The following PTBP3 variants were observed in gnomAD, a reference collection of about 807,000 sequenced individuals.
PTBP3 encodes polypyrimidine tract-binding protein 3.
Under a neutral mutation model 58.7 loss-of-function variants are expected in PTBP3, and 20 were observed. The observed-to-expected ratio is 0.34, with a 90% CI of 0.24 to 0.50. The LOEUF (loss-of-function observed/expected upper bound fraction) is 0.50. Among genes scored for constraint, PTBP3 ranks in the 20% least tolerant of loss-of-function variants. PTBP3 has a pLI of 0.98. For synonymous variants in PTBP3, 185 were observed against 219.8 expected (o/e 0.84, Z 1.40); for missense variants, 509 against 637.2 (o/e 0.80, Z 2.17).
At chr9:112,379,547 C>T in the PTBP3 span, among the ~76,000 whole-genome samples, 2 of 152,244 alleles carry the variant, frequency 1.3e-5, no homozygotes, top group African/African-American at 4.8e-5. Context: ...TACCGATGCA[C>T]AAGGGAAGGC....
chr9:112,247,559 A>G (rs1198191079), intron 7 of PTBP3, among the ~76,000 whole-genome samples: 1 of 151,752 alleles, frequency 6.6e-6, no homozygotes, highest in Non-Finnish European at 1.5e-5. Flanking sequence ...TGACAAAAAA[A>G]AAAAAAGAAA....
chr9:112,302,524 T>C (rs1828981978), intron 1 of PTBP3, among the ~76,000 whole-genome samples: 1 of 149,502 alleles, frequency 6.7e-6, no homozygotes, highest in Non-Finnish European at 1.5e-5. Context: ...GGTGTTAAAC[T>C]GTTAACACAG....
intron 2 of PTBP3, among the ~76,000 whole-genome samples, chr9:112,293,348 C>G (rs1459193202): frequency 6.6e-6 from 1 of 152,100 alleles, no homozygotes; most frequent in Admixed American, 6.5e-5. Flanking sequence ...AACAGTAATA[C>G]TAACCAATTA....
chr9:112,279,879 T>G (rs1393173250), intron 2 of PTBP3, among the ~76,000 whole-genome samples: 3 of 150,272 alleles, frequency 2.0e-5, no homozygotes, highest in Non-Finnish European at 2.9e-5. Context: ...CCTTTATCCC[T>G]AAGTACTTCA....
At chr9:112,374,617 T>C in the PTBP3 span, among the ~76,000 whole-genome samples, 3 of 152,206 alleles carry the variant, frequency 2.0e-5, no homozygotes, top group African/African-American at 7.2e-5. Flanking sequence ...TTCAAGATGA[T>C]GGGGAACATG....
In PTBP3 at chr9:112,222,157, G is replaced by C. The variant is rs1240845052; in HGVS notation, c.*1694C>G. 4 of 985,726 alleles carry C rather than the reference G, an allele frequency of 4.1e-6. No homozygotes were observed. The highest frequency in any genetic ancestry group is 3.6e-6 in the Non-Finnish European group (3 of 829,806). The allele number at this position is 985,726 out of a possible 1,614,324, so 61.1% of individuals were successfully genotyped here. A position where few individuals can be genotyped will look rare whatever the true frequency, so the allele number is the denominator to read the frequency against. ...ATGAGACACTTTGAGAATCTGAAAA[G>C]TGTAAAAGGGGTAGACAAAAAAATG... On this transcript the variant is annotated 3_prime_UTR_variant, in exon 14 of 14. Coordinates refer to ENST00000374257, the MANE Select transcript of PTBP3 (RefSeq NM_001163788.4).
rs536174519 is a variant in PTBP3 at position 112,245,504 on chromosome 9, A to C, written c.802+5425T>G. Reference sequence around the variant, plus strand: ...ATTTTCAGTTAAAATTTGTTTTTTAAAACACACACACACACACAGAAACAT... The same window carrying C: ...ATTTTCAGTTAAAATTTGTTTTTTACAACACACACACACACACAGAAACAT... On this transcript the variant is annotated intron_variant, in intron 7 of 13. Transcript: ENST00000374257. Among the ~76,000 whole-genome samples, 150 of 152,084 alleles carry C rather than the reference A, an allele frequency of 9.9e-4. 1 individual carries two copies. The highest frequency in any genetic ancestry group is 3.6e-3 in the African/African-American group (148 of 41,546).
In PTBP3 at chr9:112,219,232, A is replaced by G. The variant is rs1460002421; in HGVS notation, c.*4619T>C. The stretch of plus-strand genomic sequence containing the variant: ...AAACTTTGCTTGGTCAGCAATCTTT[A>G]TAACTGGTACTTTCTGGATATGGGA... On this transcript the variant is annotated 3_prime_UTR_variant, in exon 14 of 14. Transcript: ENST00000374257. 1.3e-5 allele frequency: 2 copies of G among 152,618 alleles called. No homozygotes were observed. The highest frequency in any genetic ancestry group is 2.9e-5 in the Non-Finnish European group (2 of 68,028). 9.5% of individuals were successfully genotyped at this position (152,618 alleles called of 1,614,324 possible).
In PTBP3 at chr9:112,221,396, C is replaced by A; in HGVS notation, c.*2455G>T. On this transcript the variant is annotated 3_prime_UTR_variant, in exon 14 of 14. Transcript: ENST00000374257. ...AAGTTACATTCAACACCACTATGAT[C>A]CCCTTCCGTTATTAGCAACTTTGCT... 1.0e-6 allele frequency: 1 copy of A among 985,810 alleles called. No individual in the cohort carries two copies. Among genetic ancestry groups the A allele is most frequent in the Non-Finnish European group, 1.2e-6 (1 of 829,922 alleles). 61.1% of individuals were successfully genotyped at this position (985,810 alleles called of 1,614,324 possible).
chr9:112,292,584 T>C (rs1253058509), intron 2 of PTBP3, among the ~76,000 whole-genome samples: 1 of 152,178 alleles, frequency 6.6e-6, no homozygotes, highest in Non-Finnish European at 1.5e-5. Context: ...ATACCTACAA[T>C]TATTCACCCT....
At chr9:112,299,489 C>T (rs973751081) in intron 1 of PTBP3, among the ~76,000 whole-genome samples, 1 of 152,022 alleles carries the variant, frequency 6.6e-6, no homozygotes, top group African/African-American at 2.4e-5. Flanking sequence ...TTATATCCAG[C>T]ACGTACTAAG....
At chr9:112,343,376 T>C in the PTBP3 span, among the ~76,000 whole-genome samples, 4 of 151,084 alleles carry the variant, frequency 2.6e-5, no homozygotes, top group African/African-American at 9.7e-5. Flanking sequence ...ACCCGGCTAA[T>C]TTTTGTATTT....
At chr9:112,349,225 G>A in the PTBP3 span, among the ~76,000 whole-genome samples, 1 of 152,086 alleles carries the variant, frequency 6.6e-6, no homozygotes, top group Admixed American at 6.6e-5. Context: ...ATGAGCTTCC[G>A]GGTTGCTAGA....
the PTBP3 span, among the ~76,000 whole-genome samples, chr9:112,346,121 G>A: frequency 6.6e-6 from 1 of 152,068 alleles, no homozygotes; most frequent in Admixed American, 6.6e-5. Flanking sequence ...TGGGATTACA[G>A]GCGTGAGGAG....
At position 112,270,484 on chromosome 9, in the gene PTBP3, G is replaced by A. The variant is rs184392465; in HGVS notation, c.205-2289C>T. Among the ~76,000 whole-genome samples the A allele has an allele frequency of 1.4e-4, 21 of 152,106 alleles. No homozygotes were observed. In the South Asian group the frequency reaches 2.1e-3, roughly 15 times the overall value. On this transcript the variant is annotated intron_variant, in intron 3 of 13. Transcript: ENST00000374257. ...TCAAGTTTTACTTAAAATAATCTAC[G>A]CTTTTGAATTTTTTTAATAAACATA...
At chr9:112,338,887 G>A in the PTBP3 span, among the ~76,000 whole-genome samples, 1 of 152,140 alleles carries the variant, frequency 6.6e-6, no homozygotes, top group African/African-American at 2.4e-5. Context: ...TCATGTCTAT[G>A]CTGAAGGTGC....
the PTBP3 span, among the ~76,000 whole-genome samples, chr9:112,344,003 T>C: frequency 6.6e-6 from 1 of 152,198 alleles, no homozygotes; most frequent in Non-Finnish European, 1.5e-5. Context: ...CATTTTTTTT[T>C]CTGACAATAT....
chr9:112,323,559 G>A (rs1432862740), intron 1 of PTBP3, among the ~76,000 whole-genome samples: 4 of 152,088 alleles, frequency 2.6e-5, no homozygotes, highest in Admixed American at 6.6e-5. Context: ...CAATAAAAAC[G>A]GATAATATAC....
intron 2 of PTBP3, among the ~76,000 whole-genome samples, chr9:112,290,687 AATAT>A (rs67387323): frequency 2.6e-4 from 22 of 84,976 alleles, no homozygotes; most frequent in Admixed American, 1.1e-3. Context: ...AAAAAAAAAA[AATAT>A]ATATATATAT....
Sources: allele counts gnomAD v4.1 joint callset (sites outside exome capture counted in the v4.1 genomes callset), GRCh38; gene constraint gnomAD v4.1.1; transcripts MANE v1.5; gene names NCBI Gene and HGNC (gene_info 2026-07-23, HGNC 2026-07-21).